Variants in CDC25A observed in about 807,000 individuals in gnomAD.
The protein encoded by CDC25A is M-phase inducer phosphatase 1.
CDC25A carries 17 observed loss-of-function variants against 64.6 expected under a neutral mutation model. The ratio of observed to expected loss-of-function variants is 0.26; its 90% confidence interval spans 0.18 to 0.39. The LOEUF (loss-of-function observed/expected upper bound fraction) is 0.39, where lower values mean the gene tolerates loss of function less well. Ranked by LOEUF, CDC25A falls within the 10% of genes least tolerant of loss-of-function variation. The probability of loss-of-function intolerance (pLI) is 1.00; values close to 1 mark genes in which losing one functional copy is unlikely to be tolerated. For missense variants in CDC25A, 473 were observed against 654.8 expected (o/e 0.72, Z 3.03); for synonymous variants, 229 against 238.6 (o/e 0.96, Z 0.37).
intron 8 of CDC25A, among the ~76,000 whole-genome samples, chr3:48,176,296 T>A (rs2032453093): frequency 6.6e-6 from 1 of 152,108 alleles, no homozygotes; most frequent in South Asian, 2.1e-4. Flanking sequence ...AGGGTGTATA[T>A]CTCTGAACAT....
At chr3:48,169,216 G>C (rs1157093489) in intron 9 of CDC25A, among the ~76,000 whole-genome samples, 1 of 152,136 alleles carries the variant, frequency 6.6e-6, no homozygotes, top group Non-Finnish European at 1.5e-5. Context: ...ATGAGTGTAA[G>C]TTTCTCTTTA....
chr3:48,177,488 A>G, intron 7 of CDC25A, 46 bp from the exon 8 acceptor site: 1 of 1,452,282 alleles, frequency 6.9e-7, no homozygotes, highest in Non-Finnish European at 9.7e-7. Context: ...TGTAGAGACT[A>G]ACATTTGTTT....
At chr3:48,177,274 T>A in intron 8 of CDC25A, 97 bp downstream of exon 8, 1 of 924,280 alleles carries the variant, frequency 1.1e-6, no homozygotes, top group Non-Finnish European at 1.8e-6. Flanking sequence ...CCAAATCCTA[T>A]CATGCATTTC....
chr3:48,187,751 G>T, intron 1 of CDC25A, 27 bp downstream of exon 1: 1 of 1,528,168 alleles, frequency 6.5e-7, no homozygotes, highest in Non-Finnish European at 8.8e-7. Flanking sequence ...CAGGGGCCCG[G>T]AGCACCGCCC....
chr3:48,157,494 C>A lies in CDC25A; in HGVS notation c.*1451G>T, dbSNP rs2031568090. On this transcript the variant is annotated 3_prime_UTR_variant, in exon 15 of 15. Coordinates refer to ENST00000302506, the MANE Select transcript of CDC25A (RefSeq NM_001789.3). ...TGAGGTAAGAGGGGAGAGACTGTCT[C>A]CTGTTTAAGAAAAACCCACCTACAC... is the stretch of plus-strand genomic sequence containing the variant. The A allele has an allele frequency of 6.6e-6, 1 of 152,612 alleles. No individual in the cohort carries two copies. The highest frequency in any genetic ancestry group is 2.4e-5 in the African/African-American group (1 of 41,428). The allele number at this position is 152,612 out of a possible 1,614,324, so 9.5% of individuals were successfully genotyped here.
chr3:48,174,675 TTATA>T (rs2106730769), intron 8 of CDC25A: 1 of 442,736 alleles, frequency 2.3e-6, no homozygotes, highest in Non-Finnish European at 4.0e-6. Flanking sequence ...TCAGCTGACA[TTATA>T]TAGAGATGAG....
chr3:48,180,702 T>G lies in CDC25A; in HGVS notation c.549+19A>C, dbSNP rs771688958. ...TTTCTTCCTGTCAGGAATTCCCCTATGAAAGCCAGAGCACATACCATCCGA... is the reference window on the plus strand; with the variant it reads ...TTTCTTCCTGTCAGGAATTCCCCTAGGAAAGCCAGAGCACATACCATCCGA... On this transcript the variant is annotated intron_variant, in intron 6 of 14. Transcript: ENST00000302506. The G allele has an allele frequency of 1.1e-5, 17 of 1,611,204 alleles. No individual in the cohort carries two copies. Among genetic ancestry groups the G allele is most frequent in the African/African-American group, 1.3e-5 (1 of 74,864 alleles).
Position 48,187,786 on chromosome 3 carries a change from A to C in CDC25A, c.162T>G (p.Gly54=), listed in dbSNP as rs2106774790. The C allele has an allele frequency of 6.5e-7, 1 of 1,545,232 alleles. No individual in the cohort carries two copies. Among genetic ancestry groups the C allele is most frequent in the Non-Finnish European group, 8.7e-7 (1 of 1,143,876 alleles). Residue 54 remains glycine (G), a synonymous_variant, in exon 1 of 15, where the codon GGT becomes GGG. Coordinates refer to ENST00000302506, the MANE Select transcript of CDC25A (RefSeq NM_001789.3). ...NLTVTMDQLQ[G]LGSDYEQPLE... ...CGCCGGTCTCTCCTTACCTGCCCAG[A>C]CCCTGCAGCTGGTCCATAGTGACGG...
At chr3:48,180,888 G>A in intron 5 of CDC25A, 48 bp from the exon 6 acceptor site, 1 of 1,603,046 alleles carries the variant, frequency 6.2e-7, no homozygotes, top group Non-Finnish European at 8.5e-7. Context: ...ACCAACTCAG[G>A]CCTCAGCTTG....
chr3:48,185,669 G>C (rs1397625048), intron 2 of CDC25A, among the ~76,000 whole-genome samples: 1 of 152,128 alleles, frequency 6.6e-6, no homozygotes, highest in Non-Finnish European at 1.5e-5. Flanking sequence ...GACATGCAAG[G>C]CAAGCACTTG....
intron 3 of CDC25A, 119 bp downstream of exon 3, chr3:48,184,534 C>A (rs955296585): frequency 1.4e-6 from 1 of 698,216 alleles, no homozygotes; most frequent in African/African-American, 1.9e-5. Context: ...CAGAGTGTTT[C>A]TAGGCACAGG....
At chr3:48,180,900 G>C in intron 5 of CDC25A, 60 bp from the exon 6 acceptor site, 2 of 1,582,030 alleles carry the variant, frequency 1.3e-6, no homozygotes. Context: ...CTCAGCTTGG[G>C]TGAAAGAGGC....
intron 12 of CDC25A, among the ~76,000 whole-genome samples, chr3:48,165,296 C>G (rs1304456606): frequency 6.6e-6 from 1 of 151,950 alleles, no homozygotes; most frequent in Non-Finnish European, 1.5e-5. Flanking sequence ...CCCTGGGGTG[C>G]TCAGACATTG....
intron 9 of CDC25A, among the ~76,000 whole-genome samples, chr3:48,171,254 A>G (rs1559959581): frequency 6.6e-6 from 1 of 151,966 alleles, no homozygotes; most frequent in East Asian, 1.9e-4. Context: ...GGGCACCTGT[A>G]ATCCCAGCTA....
At chr3:48,174,912 A>C (rs2106731491) in intron 8 of CDC25A, among the ~76,000 whole-genome samples, 1 of 152,344 alleles carries the variant, frequency 6.6e-6, no homozygotes, top group East Asian at 1.9e-4. Context: ...TCTTTGGTTA[A>C]GGTATAGTTA....
intron 11 of CDC25A, 31 bp downstream of exon 11, chr3:48,165,800 T>C (rs1310938348): frequency 1.3e-6 from 2 of 1,590,826 alleles, no homozygotes; most frequent in East Asian, 2.2e-5. Flanking sequence ...AAGTACCCGA[T>C]GTGTGGTGGG....
At chr3:48,165,066 T>C (rs1050756539) in intron 12 of CDC25A, among the ~76,000 whole-genome samples, 5 of 136,688 alleles carry the variant, frequency 3.7e-5, no homozygotes, top group Admixed American at 8.3e-5. Context: ...TCCGAGATCA[T>C]GCCACTGCAC....
intron 9 of CDC25A, among the ~76,000 whole-genome samples, chr3:48,169,358 G>A (rs149302243): frequency 1.3e-5 from 2 of 152,230 alleles, no homozygotes; most frequent in African/African-American, 4.8e-5. Flanking sequence ...TATACTTCCT[G>A]ATCAAAGTAG....
chr3:48,183,664 G>A (rs1444027863), intron 4 of CDC25A, 136 bp downstream of exon 4: 1 of 617,512 alleles, frequency 1.6e-6, no homozygotes, highest in African/African-American at 1.8e-5. Context: ...CTGGGTGACA[G>A]AGCAAGACCT....
Sources: allele counts gnomAD v4.1 joint callset (sites outside exome capture counted in the v4.1 genomes callset), GRCh38; gene constraint gnomAD v4.1.1; transcripts MANE v1.5; gene names NCBI Gene and HGNC (gene_info 2026-07-23, HGNC 2026-07-21).